XKR4: variants seen among roughly 807,000 people sequenced by gnomAD.
XKR4 encodes the protein XK-related protein 4.
In XKR4, 12 loss-of-function variants were observed where a neutral mutation model predicts 53.9. The observed-to-expected ratio is 0.22, with a 90% CI of 0.14 to 0.36. The LOEUF is 0.36. Among genes scored for constraint, XKR4 ranks in the 10% least tolerant of loss-of-function variants. The pLI is 1.00. For missense variants in XKR4, 799 were observed against 859.5 expected, an observed-to-expected ratio of 0.93 and a Z score of 0.88; for synonymous variants, 354 against 362.4, an observed-to-expected ratio of 0.98 and a Z score of 0.26.
At chr8:55,390,971 A>C (rs887457245) in intron 2 of XKR4, among the ~76,000 whole-genome samples, 11 of 152,242 alleles carry the variant, frequency 7.2e-5, no homozygotes, top group African/African-American at 2.7e-4. Flanking sequence ...AGTTTGATTA[A>C]ATGCTTTACT....
Position 55,523,534 on chromosome 8 carries a change from G to A in XKR4, c.1260G>A (p.Glu420=). The A allele has an allele frequency of 6.2e-7, 1 of 1,614,236 alleles. No homozygotes were observed. The highest frequency in any genetic ancestry group is 8.5e-7 in the Non-Finnish European group (1 of 1,180,034). ...CIMTFWIVHC[E]TEFCITKWEE... The stretch of plus-strand genomic sequence containing the variant: ...TGACCTTCTGGATCGTCCACTGTGA[G>A]ACAGAATTCTGTATCACCAAATGGG... Residue 420 remains glutamate (E), a synonymous_variant, in exon 3 of 3, where the codon GAG becomes GAA. Transcript: ENST00000327381.
At chr8:55,149,974 G>A (rs1026694173) in intron 1 of XKR4, among the ~76,000 whole-genome samples, 3 of 152,172 alleles carry the variant, frequency 2.0e-5, no homozygotes, top group Admixed American at 6.5e-5. Flanking sequence ...GGTTCAAGGG[G>A]AAAACCTGCT....
intron 1 of XKR4, among the ~76,000 whole-genome samples, chr8:55,348,230 A>T (rs1223119509): frequency 5.3e-5 from 8 of 152,142 alleles, no homozygotes; most frequent in African/African-American, 1.9e-4. Context: ...CTCAGTTATG[A>T]GGGGGGAAAA....
intron 1 of XKR4, among the ~76,000 whole-genome samples, chr8:55,163,165 C>T (rs1331589129): frequency 6.6e-6 from 1 of 152,180 alleles, no homozygotes; most frequent in South Asian, 2.1e-4. Flanking sequence ...CACATACCTG[C>T]TGGGACATCT....
At chr8:55,341,745 C>T (rs1857923) in intron 1 of XKR4, among the ~76,000 whole-genome samples, 1 of 152,084 alleles carries the variant, frequency 6.6e-6, no homozygotes, top group Non-Finnish European at 1.5e-5. Flanking sequence ...AAACTCTTGG[C>T]CTTGGGAAGG....
chr8:55,227,511 G>C (rs1335354953), intron 1 of XKR4, among the ~76,000 whole-genome samples: 1 of 152,224 alleles, frequency 6.6e-6, no homozygotes, highest in African/African-American at 2.4e-5. Flanking sequence ...GCACCAACCA[G>C]TTGTGTCTGA....
intron 2 of XKR4, among the ~76,000 whole-genome samples, chr8:55,413,771 C>T (rs892881948): frequency 3.3e-5 from 5 of 152,162 alleles, no homozygotes; most frequent in African/African-American, 1.2e-4. Flanking sequence ...TCACTTAATC[C>T]AATCAGTCTC....
At position 55,186,136 on chromosome 8, in the gene XKR4, A is replaced by C. The variant is rs549553938; in HGVS notation, c.806+82842A>C. ...TTTCCCACCCTTCTGGCTGCAAACC[A>C]ATTCATCTCCCAGAATAATGTGAAA... On this transcript the variant is annotated intron_variant, in intron 1 of 2. Transcript: ENST00000327381. Among the ~76,000 whole-genome samples the C allele has an allele frequency of 3.3e-5, 5 of 152,286 alleles. No homozygotes were observed. In the East Asian group the frequency reaches 9.7e-4, roughly 29 times the overall value.
chr8:55,523,937 G>A lies in XKR4; in HGVS notation c.1663G>A (p.Val555Ile), dbSNP rs202175241. The A allele has an allele frequency of 1.2e-6, 2 of 1,614,082 alleles. No individual in the cohort carries two copies. The highest frequency in any genetic ancestry group is 1.1e-5 in the South Asian group (1 of 91,084). The change falls in exon 3 of 3, where the codon GTT becomes ATT. Residue 555 changes from valine to isoleucine, a missense_variant. This residue lies in a region of XKR4 where 269 missense variants were observed against 264.4 expected (regional missense o/e 1.02). Transcript: ENST00000327381. ...TLRSISNNRSVVSDRDQKFAE... is the reference protein window; with the variant it reads ...TLRSISNNRSIVSDRDQKFAE... The stretch of plus-strand genomic sequence containing the variant: ...ACGGTCCATCTCCAACAACCGCAGT[G>A]TTGTCAGCGACCGCGATCAGAAATT...
intron 2 of XKR4, among the ~76,000 whole-genome samples, chr8:55,462,709 T>G (rs1805681963): frequency 2.0e-5 from 3 of 152,152 alleles, no homozygotes; most frequent in Admixed American, 2.0e-4. Flanking sequence ...GACCCATCGG[T>G]GTGCTGTATT....
At chr8:55,371,153 A>C (rs1804065112) in intron 2 of XKR4, among the ~76,000 whole-genome samples, 1 of 151,460 alleles carries the variant, frequency 6.6e-6, no homozygotes, top group African/African-American at 2.4e-5. Context: ...CAGGGAGTGT[A>C]GAATCAGGAA....
chr8:55,342,972 T>C (rs1393278999), intron 1 of XKR4, among the ~76,000 whole-genome samples: 2 of 152,104 alleles, frequency 1.3e-5, no homozygotes, highest in East Asian at 3.9e-4. Flanking sequence ...AATGAAAGAG[T>C]AGAATGAATC....
chr8:55,123,974 A>G (rs1367405298), intron 1 of XKR4, among the ~76,000 whole-genome samples: 5 of 152,132 alleles, frequency 3.3e-5, no homozygotes, highest in African/African-American at 4.8e-5. Context: ...ATGTCACCAT[A>G]AACTGTTTTT....
chr8:55,289,646 A>AAGG (rs1563316459), intron 1 of XKR4, among the ~76,000 whole-genome samples: 1,170 of 86,902 alleles, frequency 0.013, 21 homozygotes, highest in African/African-American at 0.032. Context: ...AGAAAGAAAG[A>AAGG]AAGGAAGGAA....
chr8:55,329,894 G>A (rs115912727), intron 1 of XKR4, among the ~76,000 whole-genome samples: 1,725 of 152,272 alleles, frequency 0.011, 27 homozygotes, highest in African/African-American at 0.039. Flanking sequence ...TAGAGGTTTG[G>A]TTTAAATATG....
At chr8:55,230,401 C>T (rs555421427) in intron 1 of XKR4, among the ~76,000 whole-genome samples, 2 of 148,672 alleles carry the variant, frequency 1.3e-5, no homozygotes, top group African/African-American at 2.5e-5. Flanking sequence ...TCTCTCCCAT[C>T]ACCCAGCCTT....
intron 1 of XKR4, among the ~76,000 whole-genome samples, chr8:55,173,688 C>T (rs1817193603): frequency 6.6e-6 from 1 of 152,176 alleles, no homozygotes; most frequent in African/African-American, 2.4e-5. Context: ...AGGCTAGACA[C>T]AATAGCCTTT....
intron 2 of XKR4, among the ~76,000 whole-genome samples, chr8:55,362,528 A>G (rs1307080798): frequency 1.3e-5 from 2 of 152,154 alleles, no homozygotes; most frequent in African/African-American, 4.8e-5. Flanking sequence ...GTGGAGGACA[A>G]TCAAGTTAAA....
At position 55,315,673 on chromosome 8, in the gene XKR4, C is replaced by A. The variant is rs535022411; in HGVS notation, c.807-42005C>A. ...GACCCTGTCTCTAAAAACATAAAAC[C>A]AAATGGAAAGAACTTTTTATGCTAC... On this transcript the variant is annotated intron_variant, in intron 1 of 2. Transcript: ENST00000327381. 1.2e-4 allele frequency among the ~76,000 whole-genome samples: 18 copies of A among 152,180 alleles called. No individual in the cohort carries two copies. In the South Asian group the frequency reaches 2.5e-3, roughly 21 times the overall value.
Sources: gnomAD v4.1 joint callset for allele counts (sites outside exome capture counted in the v4.1 genomes callset) on GRCh38, gnomAD v4.1.1 for gene constraint, gnomAD v4.1.1 regional missense constraint, MANE v1.5 for transcripts, NCBI Gene and HGNC (gene_info 2026-07-23, HGNC 2026-07-21) for gene names.